ARPC5L: variants seen among roughly 807,000 people sequenced by gnomAD.
The protein encoded by ARPC5L is actin-related protein 2/3 complex subunit 5-like protein.
Under a neutral mutation model 16.9 loss-of-function variants are expected in ARPC5L, and 4 were observed. That is an observed-to-expected ratio of 0.24 (90% CI 0.12 to 0.54). The LOEUF (loss-of-function observed/expected upper bound fraction) is 0.54, where lower values mean the gene tolerates loss of function less well. Among genes scored for constraint, ARPC5L ranks in the 20% least tolerant of loss-of-function variants. ARPC5L has a pLI of 0.95. For synonymous variants in ARPC5L, 78 were observed against 82.6 expected (o/e 0.94, Z 0.30); for missense variants, 151 against 201.9 (o/e 0.75, Z 1.53).
At chr9:124,876,777 CG>C (rs1829445932) in intron 5 of ARPC5L, 100 bp from the exon 6 acceptor site, 1 of 903,274 alleles carries the variant, frequency 1.1e-6, no homozygotes, top group Admixed American at 2.4e-5. Context: ...GGATCTGTGA[CG>C]GGATCTAGGT....
In ARPC5L at chr9:124,869,183, A is replaced by AGCAGCCGG. The variant is rs1371530094; in HGVS notation, c.-100_-93dup. 2 of 1,236,208 alleles carry AGCAGCCGG rather than the reference A, an allele frequency of 1.6e-6. No homozygotes were observed. Among genetic ancestry groups the AGCAGCCGG allele is most frequent in the African/African-American group, 3.2e-5 (2 of 61,894 alleles). 76.6% of individuals were successfully genotyped at this position (1,236,208 alleles called of 1,614,324 possible). On this transcript the variant is annotated 5_prime_UTR_variant, in exon 3 of 6. Transcript: ENST00000353214. Reference sequence around the variant, plus strand: ...CGGAGGCGGTGGAGGAGGTGCTGGGAGCAGCCGGGCAGCCGCTTCCCGCCC... The same window carrying AGCAGCCGG: ...CGGAGGCGGTGGAGGAGGTGCTGGGAGCAGCCGGGCAGCCGGGCAGCCGCTTCCCGCCC...
Position 124,877,190 on chromosome 9 carries a change from C to T in ARPC5L, c.*250C>T, listed in dbSNP as rs1829456312. On this transcript the variant is annotated 3_prime_UTR_variant, in exon 6 of 6. Coordinates refer to ENST00000353214, the MANE Select transcript of ARPC5L (RefSeq NM_030978.3). ...AACTGACATTTTGACGGTCTACCAG[C>T]GTGGCGGCTGGTGTTGGTCAGATGC... 4.7e-5 allele frequency: 21 copies of T among 448,688 alleles called. No homozygotes were observed. The highest frequency in any genetic ancestry group is 4.6e-4 in the South Asian group (18 of 38,892). 27.8% of individuals were successfully genotyped at this position (448,688 alleles called of 1,614,324 possible). A position where few individuals can be genotyped will look rare whatever the true frequency, so the allele number is the denominator to read the frequency against.
Position 124,876,934 on chromosome 9 carries a change from T to G in ARPC5L, c.456T>G (p.Thr152=). 1 of 1,611,688 alleles carries G rather than the reference T, an allele frequency of 6.2e-7. No individual in the cohort carries two copies. The change falls in exon 6 of 6, where the codon ACT becomes ACG. Residue 152 remains threonine (T), a synonymous_variant. Coordinates refer to ENST00000353214, the MANE Select transcript of ARPC5L (RefSeq NM_030978.3). The stretch of plus-strand genomic sequence containing the variant: ...TAAGAGTTCTTACAGCAAGAAAGAC[T>G]GTTTAAAAAAAATAAAAAGACTCAT... ...SIIRVLTARK[T]V
Position 124,863,976 on chromosome 9 carries a change from C to CT in ARPC5L, c.-983-11dup, listed in dbSNP as rs1286275732. 1 of 152,236 alleles carries CT rather than the reference C, an allele frequency of 6.6e-6. No homozygotes were observed. Among genetic ancestry groups the CT allele is most frequent in the East Asian group, 1.9e-4 (1 of 5,200 alleles). The allele number at this position is 152,236 out of a possible 1,614,324, so 9.4% of individuals were successfully genotyped here. A position where few individuals can be genotyped will look rare whatever the true frequency, so the allele number is the denominator to read the frequency against. ...GAAATAAAATGATGCATTTATGTGT[C>CT]TATTTCCACAGCCAACCTAGAAGTT... is the stretch of plus-strand genomic sequence containing the variant. On this transcript the variant is annotated splice_polypyrimidine_tract_variant and intron_variant, in intron 1 of 5. Transcript: ENST00000353214.
chr9:124,874,537 T>TA (rs996781568), intron 4 of ARPC5L, among the ~76,000 whole-genome samples: 4 of 151,796 alleles, frequency 2.6e-5, no homozygotes, highest in African/African-American at 7.2e-5. Context: ...TATTAAAAAA[T>TA]AAAAAAAATA....
intron 4 of ARPC5L, among the ~76,000 whole-genome samples, chr9:124,874,167 C>T (rs575255834): frequency 6.6e-6 from 1 of 152,308 alleles, no homozygotes; most frequent in Admixed American, 6.5e-5. Context: ...CTTACTGCAT[C>T]ACCAAGTCTA....
Position 124,869,287 on chromosome 9 carries a change from C to T in ARPC5L, c.-4C>T. On this transcript the variant is annotated 5_prime_UTR_variant, in exon 3 of 6. Transcript: ENST00000353214. The stretch of plus-strand genomic sequence containing the variant: ...GCCGGCTGAGCGGGCGCCGAGCTCC[C>T]GCCATGGCCCGGAACACGCTGTCCT... 1.1e-5 allele frequency: 16 copies of T among 1,518,608 alleles called. No homozygotes were observed. The highest frequency in any genetic ancestry group is 1.4e-5 in the Non-Finnish European group (16 of 1,133,850). 94.1% of individuals were successfully genotyped at this position (1,518,608 alleles called of 1,614,324 possible).
chr9:124,873,641 G>A (rs753210228), intron 3 of ARPC5L, 51 bp from the exon 4 acceptor site: 2 of 1,601,942 alleles, frequency 1.2e-6, no homozygotes, highest in Admixed American at 3.3e-5. Flanking sequence ...GCTTGTTCAT[G>A]ACGGCATGGA....
rs201580321 is a variant in ARPC5L at position 124,867,812 on chromosome 9, T to TC, written c.-863-616_-863-615insC. The stretch of plus-strand genomic sequence containing the variant: ...CTGAGACTTTTCTTTTCTTTTCTTT[T>TC]TTTTTTTTTTTTTTGAGACGGAGTT... On this transcript the variant is annotated intron_variant, in intron 2 of 5. Transcript: ENST00000353214. Among the ~76,000 whole-genome samples the TC allele has an allele frequency of 9.8e-4, 144 of 146,230 alleles. 1 individual carries two copies. The highest frequency in any genetic ancestry group is 3.5e-3 in the Middle Eastern group (1 of 286).
At chr9:124,876,421 G>A (rs146695043) in intron 5 of ARPC5L, among the ~76,000 whole-genome samples, 5,371 of 152,170 alleles carry the variant, frequency 0.035, 308 homozygotes, top group African/African-American at 0.12. Flanking sequence ...GGGGAGGCAG[G>A]GTTGCAGTGA....
chr9:124,876,190 A>G (rs180920509), intron 5 of ARPC5L, among the ~76,000 whole-genome samples: 1 of 152,122 alleles, frequency 6.6e-6, no homozygotes, highest in East Asian at 1.9e-4. Context: ...CCATCTCTAC[A>G]AAAAAATAAA....
intron 3 of ARPC5L, among the ~76,000 whole-genome samples, chr9:124,871,277 A>G (rs141838594): frequency 6.6e-6 from 1 of 152,320 alleles, no homozygotes; most frequent in African/African-American, 2.4e-5. Flanking sequence ...CACACCCTGC[A>G]CTACCATGCT....
rs1049023837 is a variant in ARPC5L, at chr9:124,877,562, T to G, written c.*622T>G. 2 of 152,508 alleles carry G rather than the reference T, an allele frequency of 1.3e-5. No individual in the cohort carries two copies. Among genetic ancestry groups the G allele is most frequent in the Non-Finnish European group, 2.9e-5 (2 of 68,090 alleles). 9.4% of individuals were successfully genotyped at this position (152,508 alleles called of 1,614,324 possible). On this transcript the variant is annotated 3_prime_UTR_variant, in exon 6 of 6. Coordinates refer to ENST00000353214, the MANE Select transcript of ARPC5L (RefSeq NM_030978.3). ...CCACCCCTGGGAGCGAGCATGGCAA[T>G]CCACAGGCCCTCTGCCACAGGACGC...
chr9:124,875,129 T>C lies in ARPC5L; in HGVS notation c.377T>C (p.Val126Ala), dbSNP rs1008101551. 4 of 1,613,914 alleles carry C rather than the reference T, an allele frequency of 2.5e-6. No individual in the cohort carries two copies. Among genetic ancestry groups the C allele is most frequent in the Non-Finnish European group, 3.4e-6 (4 of 1,179,914 alleles). ...AAGCCCACAGAAAATAGCAGCGCAG[T>C]GTTACTCCAGTGGCACGAAAAGGTA... is the stretch of plus-strand genomic sequence containing the variant. ...FEKPTENSSA[V>A]LLQWHEKALA... The change falls in exon 5 of 6, where the codon GTG becomes GCG. Residue 126 changes from valine to alanine, a missense_variant. Val to Ala is a moderately conservative substitution (Grantham distance 64). Coordinates refer to ENST00000353214, the MANE Select transcript of ARPC5L (RefSeq NM_030978.3).
rs570342933 is a variant in ARPC5L, at chr9:124,868,061, G to A, written c.-863-367G>A. The stretch of plus-strand genomic sequence containing the variant: ...TGACCTCAGGTGATCCGCCCACCTC[G>A]GCTCCCAAAGTGCTGAGGATTACAG... On this transcript the variant is annotated intron_variant, in intron 2 of 5. Coordinates refer to ENST00000353214, the MANE Select transcript of ARPC5L (RefSeq NM_030978.3). Among the ~76,000 whole-genome samples the A allele has an allele frequency of 2.6e-5, 4 of 151,970 alleles. No individual in the cohort carries two copies. In the East Asian group the frequency reaches 5.8e-4, roughly 22 times the overall value.
intron 1 of ARPC5L, among the ~76,000 whole-genome samples, chr9:124,863,145 TTTTTA>T (rs1381223065): frequency 6.6e-6 from 1 of 151,978 alleles, no homozygotes; most frequent in Non-Finnish European, 1.5e-5. Flanking sequence ...GCCTTTTTTA[TTTTTA>T]TTTTATTTTT....
chr9:124,871,113 T>C (rs750999989), intron 3 of ARPC5L, among the ~76,000 whole-genome samples: 11 of 152,212 alleles, frequency 7.2e-5, no homozygotes, highest in Middle Eastern at 3.4e-3. Flanking sequence ...ATCGGACTTA[T>C]ATTAGACCAT....
At chr9:124,863,963 T>G (rs990710358) in intron 1 of ARPC5L, 25 bp from the exon 2 acceptor site, 4 of 152,248 alleles carry the variant, frequency 2.6e-5, no homozygotes, top group African/African-American at 9.6e-5. Flanking sequence ...AATAAAATGA[T>G]GCATTTATGT....
At chr9:124,875,809 C>T (rs1829425623) in intron 5 of ARPC5L, among the ~76,000 whole-genome samples, 1 of 152,180 alleles carries the variant, frequency 6.6e-6, no homozygotes, top group South Asian at 2.1e-4. Flanking sequence ...TAAAGCAGAC[C>T]AGGAGTTACT....
Sources: allele counts gnomAD v4.1 joint callset (sites outside exome capture counted in the v4.1 genomes callset), GRCh38; gene constraint gnomAD v4.1.1; transcripts MANE v1.5; gene names NCBI Gene and HGNC (gene_info 2026-07-23, HGNC 2026-07-21).